FBXL7: variants seen among roughly 807,000 people sequenced by gnomAD.
The protein encoded by FBXL7 is F-box and leucine rich repeat protein 7.
In FBXL7, 12 loss-of-function variants were observed where a neutral mutation model predicts 38.3. The ratio of observed to expected loss-of-function variants is 0.31; its 90% CI spans 0.20 to 0.51. The LOEUF (loss-of-function observed/expected upper bound fraction) is 0.51, where lower values mean the gene tolerates loss of function less well. Among genes scored for constraint, FBXL7 ranks in the 20% least tolerant of loss-of-function variants. The pLI, the probability that FBXL7 is intolerant of heterozygous loss-of-function variation, is 0.98. For missense variants in FBXL7, 567 were observed against 676.4 expected (o/e 0.84, Z 1.79); for synonymous variants, 297 against 300.9 (o/e 0.99, Z 0.13).
At chr5:15,868,763 C>A (rs931094900) in intron 2 of FBXL7, among the ~76,000 whole-genome samples, 3 of 152,138 alleles carry the variant, frequency 2.0e-5, no homozygotes, top group Non-Finnish European at 4.4e-5. Context: ...TTCAATGGAA[C>A]CTCCTCCTTA....
intron 2 of FBXL7, among the ~76,000 whole-genome samples, chr5:15,886,843 C>T (rs566100917): frequency 2.6e-5 from 4 of 152,320 alleles, no homozygotes; most frequent in African/African-American, 9.6e-5. Context: ...TTCCAAGAAT[C>T]GTGGCTCACA....
At chr5:15,809,277 G>A (rs1737792839) in intron 2 of FBXL7, among the ~76,000 whole-genome samples, 1 of 152,136 alleles carries the variant, frequency 6.6e-6, no homozygotes, top group Non-Finnish European at 1.5e-5. Flanking sequence ...CCATGCCTTT[G>A]AACTTGCAGA....
chr5:15,867,388 C>A (rs567190892), intron 2 of FBXL7, among the ~76,000 whole-genome samples: 4 of 152,258 alleles, frequency 2.6e-5, no homozygotes, highest in African/African-American at 9.6e-5. Flanking sequence ...TCTTGACAGT[C>A]CTTCAGTCTA....
At chr5:15,516,799 T>C (rs551824837) in intron 1 of FBXL7, among the ~76,000 whole-genome samples, 1 of 152,136 alleles carries the variant, frequency 6.6e-6, no homozygotes, top group East Asian at 1.9e-4. Flanking sequence ...TCTTCCCCCT[T>C]TTGGTCGGCA....
chr5:15,543,488 C>T, intron 1 of FBXL7, among the ~76,000 whole-genome samples: 2 of 152,112 alleles, frequency 1.3e-5, no homozygotes, highest in East Asian at 3.9e-4. Context: ...CAATTTGGTT[C>T]AACAATCATA....
At chr5:15,932,490 T>C (rs1742062798) in intron 3 of FBXL7, among the ~76,000 whole-genome samples, 1 of 152,218 alleles carries the variant, frequency 6.6e-6, no homozygotes, top group Admixed American at 6.5e-5. Context: ...CGCAGATTTA[T>C]TCAACCTATG....
At chr5:15,778,079 C>G (rs1736903182) in intron 2 of FBXL7, among the ~76,000 whole-genome samples, 1 of 152,142 alleles carries the variant, frequency 6.6e-6, no homozygotes, top group South Asian at 2.1e-4. Context: ...ATAACTTAAG[C>G]ACATTTCCTC....
At chr5:15,792,635 GC>G (rs1248807053) in intron 2 of FBXL7, among the ~76,000 whole-genome samples, 24 of 152,276 alleles carry the variant, frequency 1.6e-4, no homozygotes, top group Admixed American at 1.4e-3. Context: ...TGGACAGAAG[GC>G]GTCCGGCTTT....
chr5:15,527,610 C>G (rs1737289191), intron 1 of FBXL7, among the ~76,000 whole-genome samples: 1 of 152,066 alleles, frequency 6.6e-6, no homozygotes, highest in Non-Finnish European at 1.5e-5. Flanking sequence ...ATAGGTGAGC[C>G]AAAAGTATAA....
chr5:15,879,227 C>T (rs1474530783), intron 2 of FBXL7, among the ~76,000 whole-genome samples: 7 of 152,280 alleles, frequency 4.6e-5, no homozygotes, highest in African/African-American at 7.2e-5. Flanking sequence ...GCATTTATAA[C>T]GGCCAGAAGA....
intron 1 of FBXL7, among the ~76,000 whole-genome samples, chr5:15,579,166 C>T (rs1739061730): frequency 2.0e-5 from 3 of 152,126 alleles, no homozygotes; most frequent in Non-Finnish European, 4.4e-5. Context: ...GGGAGGAAAG[C>T]GGTGCTGTTT....
intron 1 of FBXL7, among the ~76,000 whole-genome samples, chr5:15,608,779 A>G (rs1474143919): frequency 6.6e-6 from 1 of 152,178 alleles, no homozygotes. Context: ...GCCAGCCCCA[A>G]CTATTGTGTG....
intron 1 of FBXL7, among the ~76,000 whole-genome samples, chr5:15,510,727 T>C (rs1356185819): frequency 6.6e-6 from 1 of 152,246 alleles, no homozygotes; most frequent in African/African-American, 2.4e-5. Context: ...TTAATAGATA[T>C]TTGGTAAGCT....
intron 2 of FBXL7, among the ~76,000 whole-genome samples, chr5:15,707,185 T>G (rs1231417770): frequency 7.1e-6 from 1 of 141,468 alleles, no homozygotes; most frequent in Non-Finnish European, 1.5e-5. Flanking sequence ...TTTTTTTTTT[T>G]TTTTTTTTTT....
intron 2 of FBXL7, among the ~76,000 whole-genome samples, chr5:15,668,838 A>G (rs1289192321): frequency 2.0e-5 from 3 of 152,310 alleles, no homozygotes; most frequent in Admixed American, 2.0e-4. Context: ...TGCTCCCAAC[A>G]TAATTTGTAT....
intron 3 of FBXL7, among the ~76,000 whole-genome samples, chr5:15,930,071 C>T (rs983023096): frequency 1.4e-4 from 21 of 152,288 alleles, no homozygotes; most frequent in East Asian, 1.2e-3. Context: ...GATTCTTTCC[C>T]GTGCTGGAGA....
intron 2 of FBXL7, among the ~76,000 whole-genome samples, chr5:15,881,750 AT>A (rs1740461734): frequency 6.6e-6 from 1 of 152,216 alleles, no homozygotes; most frequent in Admixed American, 6.5e-5. Context: ...AGTTAATAGT[AT>A]TCAGTTCTTA....
intron 1 of FBXL7, among the ~76,000 whole-genome samples, chr5:15,567,210 T>G (rs968796047): frequency 1.3e-5 from 2 of 152,172 alleles, no homozygotes; most frequent in Non-Finnish European, 2.9e-5. Flanking sequence ...CCACCTAATT[T>G]TCCTGGCCCC....
intron 2 of FBXL7, among the ~76,000 whole-genome samples, chr5:15,784,879 C>T (rs1406401745): frequency 6.6e-6 from 1 of 152,214 alleles, no homozygotes; most frequent in Non-Finnish European, 1.5e-5. Flanking sequence ...ACCTAGCACA[C>T]ACACGCACAA....
Sources: gnomAD v4.1 joint callset for allele counts (sites outside exome capture counted in the v4.1 genomes callset) on GRCh38, gnomAD v4.1.1 for gene constraint, MANE v1.5 for transcripts, NCBI Gene and HGNC (gene_info 2026-07-23, HGNC 2026-07-21) for gene names.